The following IL1RAP variants were observed in gnomAD, a reference collection of about 807,000 sequenced individuals.
The protein encoded by IL1RAP is interleukin-1 receptor accessory protein.
IL1RAP carries 35 observed loss-of-function variants against 60.7 expected under a neutral mutation model. The ratio of observed to expected loss-of-function variants is 0.58; its 90% CI spans 0.44 to 0.76. The LOEUF (loss-of-function observed/expected upper bound fraction) is 0.76, where lower values mean the gene tolerates loss of function less well. Among genes scored for constraint, IL1RAP ranks in the 30% least tolerant of loss-of-function variants. IL1RAP has a pLI of 0.00. For missense variants in IL1RAP, 572 were observed against 693.9 expected, an observed-to-expected ratio of 0.82 and a Z score of 1.97; for synonymous variants, 268 against 250.9, an observed-to-expected ratio of 1.07 and a Z score of -0.64.
At chr3:190,580,768 C>G (rs1204014624) in intron 3 of IL1RAP, among the ~76,000 whole-genome samples, 1 of 152,118 alleles carries the variant, frequency 6.6e-6, no homozygotes, top group Admixed American at 6.5e-5. Flanking sequence ...TACTTAAGAA[C>G]TCGCTAGGAA....
At chr3:190,557,878 A>G (rs981290094) in intron 2 of IL1RAP, among the ~76,000 whole-genome samples, 3 of 152,194 alleles carry the variant, frequency 2.0e-5, no homozygotes, top group Non-Finnish European at 2.9e-5. Flanking sequence ...AACCACTGTG[A>G]CAAACAGGAT....
intron 1 of IL1RAP, among the ~76,000 whole-genome samples, chr3:190,549,059 A>T (rs1407412850): frequency 6.6e-6 from 1 of 151,964 alleles, no homozygotes; most frequent in African/African-American, 2.4e-5. Flanking sequence ...GCTCACAGAC[A>T]CGTAGAAGGG....
intron 1 of IL1RAP, among the ~76,000 whole-genome samples, chr3:190,537,362 C>T (rs1419353704): frequency 2.0e-5 from 3 of 152,168 alleles, no homozygotes; most frequent in Non-Finnish European, 4.4e-5. Flanking sequence ...CCTTTACATG[C>T]AGGCAGCTGT....
Position 190,650,302 on chromosome 3 carries a change from T to C in IL1RAP, c.*1597T>C. ...ATAAATAACTTAAGTATTGCTACAG[T>C]TTATCTAGGTTGCAGTGGCATCTGC... On this transcript the variant is annotated 3_prime_UTR_variant, in exon 12 of 12. Transcript: ENST00000447382. The C allele has an allele frequency of 1.0e-6, 1 of 985,098 alleles. No individual in the cohort carries two copies. Among genetic ancestry groups the C allele is most frequent in the Non-Finnish European group, 1.2e-6 (1 of 829,640 alleles). 61.0% of individuals were successfully genotyped at this position (985,098 alleles called of 1,614,324 possible). A position where few individuals can be genotyped will look rare whatever the true frequency, so the allele number is the denominator to read the frequency against.
At chr3:190,586,183 AT>A (rs1243889505) in intron 3 of IL1RAP, among the ~76,000 whole-genome samples, 1 of 151,870 alleles carries the variant, frequency 6.6e-6, no homozygotes, top group South Asian at 2.1e-4. Flanking sequence ...TTGCATCTTT[AT>A]TTTTTCCTTT....
At chr3:190,544,421 A>G (rs1368111753) in intron 1 of IL1RAP, among the ~76,000 whole-genome samples, 1 of 152,212 alleles carries the variant, frequency 6.6e-6, no homozygotes, top group African/African-American at 2.4e-5. Flanking sequence ...TCATTATGCC[A>G]TTGTTCCTCC....
At chr3:190,654,606 A>G (rs895834511), downstream of IL1RAP, among the ~76,000 whole-genome samples, 1 of 152,204 alleles carries the variant, frequency 6.6e-6, no homozygotes, top group Non-Finnish European at 1.5e-5. Flanking sequence ...ACTGATTGAA[A>G]AAAACAAAAC....
intron 7 of IL1RAP, 77 bp from the exon 8 acceptor site, chr3:190,627,246 G>T: frequency 7.8e-7 from 1 of 1,279,346 alleles, no homozygotes; most frequent in South Asian, 1.4e-5. Flanking sequence ...GGCTAACTTT[G>T]TCTTTGTTTT....
intron 3 of IL1RAP, among the ~76,000 whole-genome samples, chr3:190,598,459 T>C (rs1442221491): frequency 2.6e-5 from 4 of 152,188 alleles, no homozygotes; most frequent in Non-Finnish European, 5.9e-5. Flanking sequence ...TGGTTTGACA[T>C]AGAATGGGTT....
At position 190,651,261 on chromosome 3, in the gene IL1RAP, C is replaced by T; in HGVS notation, c.*2556C>T. On this transcript the variant is annotated 3_prime_UTR_variant, in exon 12 of 12. Transcript: ENST00000447382. ...CTGTGATATATAGAGTGTCTAATTA[C>T]AAAATCATATACGATTTATTTAATT... is the stretch of plus-strand genomic sequence containing the variant. The T allele has an allele frequency of 2.1e-6, 2 of 965,816 alleles. No homozygotes were observed. Among genetic ancestry groups the T allele is most frequent in the Non-Finnish European group, 2.5e-6 (2 of 812,146 alleles). The allele number at this position is 965,816 out of a possible 1,614,324, so 59.8% of individuals were successfully genotyped here.
downstream of IL1RAP, among the ~76,000 whole-genome samples, chr3:190,655,558 C>CGTGTGTGTGTGT (rs34341875): frequency 1.7e-3 from 219 of 131,158 alleles, 3 homozygotes; most frequent in African/African-American, 4.8e-3. Flanking sequence ...AATTGCCCAC[C>CGTGTGTGTGTGT]GTGTGTGTGT....
At chr3:190,553,707 A>G (rs1311949378) in intron 1 of IL1RAP, among the ~76,000 whole-genome samples, 1 of 152,200 alleles carries the variant, frequency 6.6e-6, no homozygotes, top group African/African-American at 2.4e-5. Context: ...CCTGAGCGTG[A>G]CAGTGGTGGG....
intron 4 of IL1RAP, among the ~76,000 whole-genome samples, chr3:190,607,374 A>G (rs1306123635): frequency 1.3e-5 from 2 of 152,164 alleles, no homozygotes; most frequent in Non-Finnish European, 2.9e-5. Flanking sequence ...CATTTATTTA[A>G]TAACAAATAT....
At chr3:190,655,256 A>G (rs1734576476), downstream of IL1RAP, among the ~76,000 whole-genome samples, 1 of 152,146 alleles carries the variant, frequency 6.6e-6, no homozygotes, top group Non-Finnish European at 1.5e-5. Flanking sequence ...TAGAAGACAC[A>G]TCTATAAACT....
intron 9 of IL1RAP, among the ~76,000 whole-genome samples, chr3:190,638,044 G>A (rs1465205881): frequency 6.6e-6 from 1 of 151,938 alleles, no homozygotes; most frequent in Admixed American, 6.6e-5. Context: ...TCATTCTCTG[G>A]GTGGTGAACA....
chr3:190,561,160 G>A (rs565168948), intron 2 of IL1RAP, among the ~76,000 whole-genome samples: 1 of 152,228 alleles, frequency 6.6e-6, no homozygotes, highest in South Asian at 2.1e-4. Context: ...CTTTCTGACA[G>A]TTCCTCCATC....
chr3:190,612,691 T>A (rs577980424), intron 5 of IL1RAP, among the ~76,000 whole-genome samples: 2 of 152,346 alleles, frequency 1.3e-5, no homozygotes, highest in African/African-American at 4.8e-5. Flanking sequence ...AACCTCATGG[T>A]ATGTCAAGTA....
chr3:190,645,626 T>C (rs1733961248), intron 10 of IL1RAP, 73 bp from the exon 11 acceptor site: 1 of 1,239,034 alleles, frequency 8.1e-7, no homozygotes, highest in Non-Finnish European at 1.1e-6. Flanking sequence ...TATGCAGAAG[T>C]TAGATTTAAG....
At chr3:190,648,308 A>G (rs772575710) in intron 11 of IL1RAP, 30 bp from the exon 12 acceptor site, 1 of 1,546,590 alleles carries the variant, frequency 6.5e-7, no homozygotes, top group African/African-American at 1.4e-5. Context: ...TTTGGCCAAC[A>G]CTAATCCCCA....
Sources: gnomAD v4.1 joint callset for allele counts (sites outside exome capture counted in the v4.1 genomes callset) on GRCh38, gnomAD v4.1.1 for gene constraint, MANE v1.5 for transcripts, NCBI Gene and HGNC (gene_info 2026-07-23, HGNC 2026-07-21) for gene names.